Variants in RFFL observed in about 807,000 individuals in gnomAD.
RFFL encodes the protein ring finger and FYVE like domain containing E3 ubiquitin protein ligase, also known as E3 ubiquitin-protein ligase rififylin.
Under a neutral mutation model 40.4 loss-of-function variants are expected in RFFL, and 16 were observed. The ratio of observed to expected loss-of-function variants is 0.40; its 90% confidence interval spans 0.27 to 0.60. The LOEUF (loss-of-function observed/expected upper bound fraction) is 0.60. RFFL is among the 20% of genes least tolerant of loss of function. The pLI, the probability that RFFL is intolerant of heterozygous loss-of-function variation, is 0.47. For missense variants in RFFL, 367 were observed against 451.7 expected (o/e 0.81, Z 1.70); for synonymous variants, 154 against 167.9 (o/e 0.92, Z 0.64).
intron 1 of RFFL, among the ~76,000 whole-genome samples, chr17:35,046,924 G>A (rs2091203207): frequency 6.6e-6 from 1 of 152,204 alleles, no homozygotes; most frequent in South Asian, 2.1e-4. Context: ...CCCAAAGGGT[G>A]AGTCAATCAG....
chr17:35,040,056 A>G (rs1259123877), intron 1 of RFFL, among the ~76,000 whole-genome samples: 1 of 151,966 alleles, frequency 6.6e-6, no homozygotes, highest in Non-Finnish European at 1.5e-5. Context: ...AATCTCTTCA[A>G]GGTCACCAAG....
At chr17:35,044,688 C>G (rs2091187182) in intron 1 of RFFL, among the ~76,000 whole-genome samples, 1 of 152,150 alleles carries the variant, frequency 6.6e-6, no homozygotes, top group South Asian at 2.1e-4. Flanking sequence ...TGCTCAGGGC[C>G]TTACTCCTTA....
In RFFL at chr17:35,085,482, C is replaced by T. The variant is rs576690071; in HGVS notation, c.-9+3623G>A. On this transcript the variant is annotated intron_variant, in intron 1 of 6. Coordinates refer to the RFFL transcript ENST00000315249. The stretch of plus-strand genomic sequence containing the variant: ...TTCGCTCTTGTTGCCCAGGCTGTAG[C>T]GCAGTGGTGCGATCTCGGCTCACTG... Among the ~76,000 whole-genome samples, 94 of 152,290 alleles carry T rather than the reference C, an allele frequency of 6.2e-4. No homozygotes were observed. The Middle Eastern group carries it at 0.034, about 55-fold the overall frequency.
At position 35,009,044 on chromosome 17, in the gene RFFL, G is replaced by C. The variant is rs1174650540; in HGVS notation, c.*2924C>G. 6.6e-6 allele frequency: 1 copy of C among 152,628 alleles called. No individual in the cohort carries two copies. Among genetic ancestry groups the C allele is most frequent in the East Asian group, 1.9e-4 (1 of 5,200 alleles). The allele number at this position is 152,628 out of a possible 1,614,324, so 9.5% of individuals were successfully genotyped here. A position where few individuals can be genotyped will look rare whatever the true frequency, so the allele number is the denominator to read the frequency against. The stretch of plus-strand genomic sequence containing the variant: ...GGCCTCCTAAAGTGTGGAAATTATA[G>C]CATGAACCACTGTCAGGCTCTTTTG... On this transcript the variant is annotated 3_prime_UTR_variant, in exon 7 of 7. Coordinates refer to ENST00000394597, the MANE Select transcript of RFFL (RefSeq NM_001017368.2).
chr17:35,072,544 A>T (rs2091355944), intron 1 of RFFL, among the ~76,000 whole-genome samples: 2 of 151,410 alleles, frequency 1.3e-5, no homozygotes, highest in African/African-American at 4.9e-5. Flanking sequence ...AAATCCATAC[A>T]TGTGATAAAA....
intron 1 of RFFL, among the ~76,000 whole-genome samples, chr17:35,045,216 A>T (rs1446804002): frequency 6.6e-6 from 1 of 151,934 alleles, no homozygotes; most frequent in African/African-American, 2.4e-5. Context: ...TCAACTGGCT[A>T]ACAGTTTGTA....
upstream of RFFL, among the ~76,000 whole-genome samples, chr17:35,064,289 A>T (rs970997914): frequency 6.8e-6 from 1 of 147,778 alleles, no homozygotes; most frequent in African/African-American, 2.5e-5. Flanking sequence ...ATGCACTGGA[A>T]TTTTTTTTTT....
intron 1 of RFFL, among the ~76,000 whole-genome samples, chr17:35,042,841 A>G (rs889769625): frequency 2.6e-5 from 4 of 151,136 alleles, no homozygotes; most frequent in Admixed American, 6.6e-5. Context: ...AAAAAAAAAA[A>G]AAAGAAAAGA....
intron 1 of RFFL, among the ~76,000 whole-genome samples, chr17:35,027,523 G>A (rs956784904): frequency 1.3e-5 from 2 of 151,836 alleles, no homozygotes; most frequent in African/African-American, 2.4e-5. Flanking sequence ...TCGGGAGTTC[G>A]AGACCAGCCT....
chr17:35,079,901 T>G (rs528774759), intron 1 of RFFL, among the ~76,000 whole-genome samples: 8 of 152,306 alleles, frequency 5.3e-5, no homozygotes, highest in African/African-American at 1.9e-4. Context: ...CATCAGTATA[T>G]GATAAGTAGA....
chr17:35,009,426 A>G lies in RFFL; in HGVS notation c.*2542T>C, dbSNP rs2090920743. Reference sequence around the variant, plus strand: ...TCAGCAAAAGCTACGGAATAATTCTAAGAATTAGATGTTTCCATATCATTA... The same window carrying G: ...TCAGCAAAAGCTACGGAATAATTCTGAGAATTAGATGTTTCCATATCATTA... On this transcript the variant is annotated 3_prime_UTR_variant, in exon 7 of 7. Transcript: ENST00000394597. The G allele has an allele frequency of 1.3e-5, 2 of 152,208 alleles. No individual in the cohort carries two copies. Among genetic ancestry groups the G allele is most frequent in the African/African-American group, 4.8e-5 (2 of 41,446 alleles). The allele number at this position is 152,208 out of a possible 1,614,324, so 9.4% of individuals were successfully genotyped here.
chr17:35,044,014 G>T (rs897088754), intron 1 of RFFL, among the ~76,000 whole-genome samples: 1 of 152,146 alleles, frequency 6.6e-6, no homozygotes, highest in Non-Finnish European at 1.5e-5. Flanking sequence ...TATTTAAGGT[G>T]TATTTCAGTT....
chr17:35,065,455 C>CT (rs1458124026), upstream of RFFL, among the ~76,000 whole-genome samples: 2 of 151,012 alleles, frequency 1.3e-5, no homozygotes, highest in African/African-American at 2.4e-5. Context: ...ACTCGGGAGG[C>CT]TGAGGCAGGA....
At chr17:35,088,892 A>C (rs2091444296) in intron 1 of RFFL, 1 of 152,280 alleles carries the variant, frequency 6.6e-6, no homozygotes, top group Non-Finnish European at 1.5e-5. Context: ...GGGACTTTTC[A>C]AAGGACAGGT....
At chr17:35,074,239 T>G (rs546288959) in intron 1 of RFFL, 3 of 152,162 alleles carry the variant, frequency 2.0e-5, no homozygotes, top group Non-Finnish European at 4.4e-5. Flanking sequence ...TTGTTTTCAT[T>G]TTTTCCACCA....
chr17:35,027,592 C>T (rs545508940), intron 1 of RFFL, among the ~76,000 whole-genome samples: 5 of 151,912 alleles, frequency 3.3e-5, no homozygotes, highest in African/African-American at 7.2e-5. Flanking sequence ...GGTGTGGTGG[C>T]GCATGCCTGA....
In RFFL at chr17:35,009,920, G is replaced by A. The variant is rs2090925214; in HGVS notation, c.*2048C>T. On this transcript the variant is annotated 3_prime_UTR_variant, in exon 7 of 7. Coordinates refer to ENST00000394597, the MANE Select transcript of RFFL (RefSeq NM_001017368.2). ...TGAATGATCCTTTGCTAATTGGTAG[G>A]CATTGTAAACTATAGTATTTACTGC... 6.6e-6 allele frequency: 1 copy of A among 152,620 alleles called. No individual in the cohort carries two copies. Among genetic ancestry groups the A allele is most frequent in the East Asian group, 1.9e-4 (1 of 5,198 alleles). 9.5% of individuals were successfully genotyped at this position (152,620 alleles called of 1,614,324 possible).
intron 3 of RFFL, among the ~76,000 whole-genome samples, chr17:35,020,437 G>A (rs932617371): frequency 1.3e-5 from 2 of 150,260 alleles, no homozygotes; most frequent in East Asian, 1.9e-4. Context: ...CTGCGCATGC[G>A]AGGGATCTAG....
intron 1 of RFFL, among the ~76,000 whole-genome samples, chr17:35,055,500 C>A (rs1376303157): frequency 2.6e-5 from 4 of 151,814 alleles, no homozygotes; most frequent in Admixed American, 1.3e-4. Context: ...CGGTGAAAAC[C>A]CATCTCTACT....
Sources: allele counts gnomAD v4.1 joint callset (sites outside exome capture counted in the v4.1 genomes callset), GRCh38; gene constraint gnomAD v4.1.1; transcripts MANE v1.5; gene names NCBI Gene and HGNC (gene_info 2026-07-23, HGNC 2026-07-21).